BMPR1A: variants seen among roughly 807,000 people sequenced by gnomAD.
BMPR1A encodes the protein bone morphogenetic protein receptor type-1A.
BMPR1A carries 7 observed loss-of-function variants against 66.0 expected under a neutral mutation model. The ratio of observed to expected loss-of-function variants is 0.11; its 90% CI spans 0.06 to 0.20. BMPR1A has a LOEUF of 0.20. Among genes scored for constraint, BMPR1A ranks in the 10% least tolerant of loss-of-function variants. The pLI is 1.00. For synonymous variants in BMPR1A, 200 were observed against 229.7 expected (o/e 0.87, Z 1.17); for missense variants, 408 against 669.1 (o/e 0.61, Z 4.31).
chr10:86,773,541 C>T (rs959589300), intron 1 of BMPR1A, among the ~76,000 whole-genome samples: 1 of 147,574 alleles, frequency 6.8e-6, no homozygotes, highest in Non-Finnish European at 1.5e-5. Flanking sequence ...TGCAGTGAGC[C>T]GAGATCACGC....
At chr10:86,921,826 G>T (rs1276659472) in intron 11 of BMPR1A, 131 bp downstream of exon 11, 1 of 1,155,614 alleles carries the variant, frequency 8.7e-7, no homozygotes, top group Admixed American at 2.1e-5. Flanking sequence ...TGGATAAGGA[G>T]TTATTTTGAT....
At chr10:86,756,259 C>T (rs545921590), upstream of BMPR1A, 1 of 152,304 alleles carries the variant, frequency 6.6e-6, no homozygotes, top group African/African-American at 2.4e-5. Flanking sequence ...TCGCGTGCTA[C>T]CTACGGCGTC....
chr10:86,924,118 C>A lies in BMPR1A; in HGVS notation c.*399C>A. Reference sequence around the variant, plus strand: ...AGCAGAGATGGAGAAATAGACTTTGCCTTTTACCTGAGACTTTCAGTTCGT... The same window carrying A: ...AGCAGAGATGGAGAAATAGACTTTGACTTTTACCTGAGACTTTCAGTTCGT... On this transcript the variant is annotated 3_prime_UTR_variant, in exon 13 of 13. Transcript: ENST00000372037. 1 of 359,538 alleles carries A rather than the reference C, an allele frequency of 2.8e-6. No individual in the cohort carries two copies. Among genetic ancestry groups the A allele is most frequent in the South Asian group, 3.9e-5 (1 of 25,700 alleles). 22.3% of individuals were successfully genotyped at this position (359,538 alleles called of 1,614,324 possible). A position where few individuals can be genotyped will look rare whatever the true frequency, so the allele number is the denominator to read the frequency against.
chr10:86,911,410 A>G (rs1843482995), intron 7 of BMPR1A, among the ~76,000 whole-genome samples: 1 of 152,164 alleles, frequency 6.6e-6, no homozygotes, highest in South Asian at 2.1e-4. Context: ...ATCAATGAGG[A>G]GAAGAGTTCA....
At chr10:86,839,534 A>G (rs1842395891) in intron 2 of BMPR1A, among the ~76,000 whole-genome samples, 1 of 141,704 alleles carries the variant, frequency 7.1e-6, no homozygotes, top group South Asian at 2.3e-4. Context: ...CAGAGGTTGT[A>G]GTGAGCTGAG....
At chr10:86,782,387 A>C (rs899769860) in intron 1 of BMPR1A, among the ~76,000 whole-genome samples, 1 of 152,112 alleles carries the variant, frequency 6.6e-6, no homozygotes, top group Non-Finnish European at 1.5e-5. Context: ...TTCCATTTTA[A>C]ATTTTTTGAG....
At chr10:86,799,887 A>G (rs1220647960) in intron 1 of BMPR1A, among the ~76,000 whole-genome samples, 2 of 152,158 alleles carry the variant, frequency 1.3e-5, no homozygotes, top group Non-Finnish European at 2.9e-5. Flanking sequence ...ATAGTAAATT[A>G]CTTTTTAAAA....
chr10:86,776,233 A>G (rs1288577645), intron 1 of BMPR1A, among the ~76,000 whole-genome samples: 25 of 152,214 alleles, frequency 1.6e-4, no homozygotes, highest in Non-Finnish European at 2.9e-5. Flanking sequence ...AGGGGTGAGT[A>G]TAACAACTGC....
At chr10:86,881,581 T>C (rs1284678421) in intron 3 of BMPR1A, among the ~76,000 whole-genome samples, 1 of 152,202 alleles carries the variant, frequency 6.6e-6, no homozygotes, top group Non-Finnish European at 1.5e-5. Context: ...ACATGTGACT[T>C]GTGGCTACCA....
chr10:86,787,516 A>G (rs1589715712), intron 1 of BMPR1A, among the ~76,000 whole-genome samples: 1 of 152,220 alleles, frequency 6.6e-6, no homozygotes, highest in African/African-American at 2.4e-5. Context: ...AATCCCAGTT[A>G]AAGACATGGG....
intron 1 of BMPR1A, among the ~76,000 whole-genome samples, chr10:86,791,999 G>A (rs1006496451): frequency 6.7e-6 from 1 of 150,370 alleles, no homozygotes; most frequent in Non-Finnish European, 1.5e-5. Context: ...GATTATAGGC[G>A]TGAGCCACTG....
intron 1 of BMPR1A, among the ~76,000 whole-genome samples, chr10:86,789,976 G>A (rs576010029): frequency 2.0e-5 from 3 of 149,902 alleles, no homozygotes; most frequent in South Asian, 4.2e-4. Context: ...CTAACACAGC[G>A]AAACCCCGTC....
chr10:86,854,740 A>G, intron 2 of BMPR1A: 2 of 232,796 alleles, frequency 8.6e-6, no homozygotes, highest in African/African-American at 2.3e-5. Flanking sequence ...AAAACGTATC[A>G]TCCTCTATAA....
rs71019427 is a variant in BMPR1A at position 86,766,617 on chromosome 10, C to CTTTTTTTTT, written c.-268+9706_-268+9714dup. ...CTCCTCCCAACATAATCATATCAGTCTTTTTTTTTTTTTTTTGAGACGGAG... is the reference window on the plus strand; with the variant it reads ...CTCCTCCCAACATAATCATATCAGTCTTTTTTTTTTTTTTTTTTTTTTTTTGAGACGGAG... On this transcript the variant is annotated intron_variant, in intron 1 of 12. Coordinates refer to ENST00000372037, the MANE Select transcript of BMPR1A (RefSeq NM_004329.3). Among the ~76,000 whole-genome samples the CTTTTTTTTT allele has an allele frequency of 5.5e-3, 726 of 131,160 alleles. 23 individuals are homozygous for CTTTTTTTTT. Among genetic ancestry groups the CTTTTTTTTT allele is most frequent in the African/African-American group, 0.011 (360 of 31,584 alleles). The allele number at this position is 131,160 out of a possible 152,430, so 86.0% of individuals were successfully genotyped here.
At chr10:86,892,041 G>GT in intron 4 of BMPR1A, 86 bp from the exon 5 acceptor site, 1 of 1,015,566 alleles carries the variant, frequency 9.8e-7, no homozygotes, top group South Asian at 1.4e-5. Context: ...AAGGCCATCT[G>GT]TACCTGTTCA....
At chr10:86,793,405 C>T (rs1163034058) in intron 1 of BMPR1A, among the ~76,000 whole-genome samples, 1 of 150,960 alleles carries the variant, frequency 6.6e-6, no homozygotes, top group African/African-American at 2.4e-5. Flanking sequence ...CTGTTGTTGC[C>T]CAGGCTGGAG....
chr10:86,795,006 C>T (rs1374442344), intron 1 of BMPR1A, among the ~76,000 whole-genome samples: 9 of 151,854 alleles, frequency 5.9e-5, no homozygotes, highest in Non-Finnish European at 1.0e-4. Flanking sequence ...CATGCACCAC[C>T]ACAACTAGCT....
chr10:86,879,426 A>G (rs1842959420), intron 3 of BMPR1A, among the ~76,000 whole-genome samples: 1 of 152,212 alleles, frequency 6.6e-6, no homozygotes, highest in African/African-American at 2.4e-5. Flanking sequence ...TAGACCAACG[A>G]TTATCTCTGC....
chr10:86,918,624 TTTC>T (rs1843611507), intron 9 of BMPR1A, among the ~76,000 whole-genome samples: 1 of 150,688 alleles, frequency 6.6e-6, no homozygotes, highest in African/African-American at 2.5e-5. Context: ...TTCCTTTTCT[TTTC>T]TTTTTTTTTT....
Sources: gnomAD v4.1 joint callset for allele counts (sites outside exome capture counted in the v4.1 genomes callset) on GRCh38, gnomAD v4.1.1 for gene constraint, MANE v1.5 for transcripts, NCBI Gene and HGNC (gene_info 2026-07-23, HGNC 2026-07-21) for gene names.